Variants in OR3A2 observed in about 807,000 individuals in gnomAD.
The protein encoded by OR3A2 is olfactory receptor family 3 subfamily A member 2.
For missense variants in OR3A2, 318 were observed against 392.8 expected (o/e 0.81, Z 1.61); for synonymous variants, 126 against 159.3 (o/e 0.79, Z 1.57).
At chr17:3,351,114 A>G (rs1252188155) in intron 2 of OR3A2, among the ~76,000 whole-genome samples, 4 of 151,334 alleles carry the variant, frequency 2.6e-5, no homozygotes, top group Non-Finnish European at 4.4e-5. Flanking sequence ...TTCCCTTTGA[A>G]AACTGGCACA....
chr17:3,337,787 C>A (rs545664081), intron 2 of OR3A2, among the ~76,000 whole-genome samples: 1 of 152,136 alleles, frequency 6.6e-6, no homozygotes, highest in Admixed American at 6.5e-5. Flanking sequence ...GGGGTATATA[C>A]CCAGTAATGG....
intron 2 of OR3A2, among the ~76,000 whole-genome samples, chr17:3,352,205 T>C (rs1465011413): frequency 6.6e-6 from 1 of 152,014 alleles, no homozygotes; most frequent in Non-Finnish European, 1.5e-5. Context: ...CTGTGGGCTG[T>C]CTCTTCACTT....
chr17:3,303,743 C>CAAAAAAAA (rs71153338), intron 3 of OR3A2, among the ~76,000 whole-genome samples: 5 of 106,754 alleles, frequency 4.7e-5, no homozygotes, highest in South Asian at 3.6e-4. Context: ...GACTTCATCT[C>CAAAAAAAA]AAAAAAAAAA....
intron 3 of OR3A2, among the ~76,000 whole-genome samples, chr17:3,333,865 G>A (rs2049258356): frequency 6.6e-6 from 1 of 151,998 alleles, no homozygotes; most frequent in Admixed American, 6.6e-5. Context: ...TCTGAAAAAG[G>A]TCTAATATCC....
chr17:3,310,851 T>G (rs2855677), intron 3 of OR3A2: 2 of 1,043,692 alleles, frequency 1.9e-6, no homozygotes, highest in South Asian at 2.5e-5. Flanking sequence ...CAATCACTTC[T>G]ACTGTGACCT....
At chr17:3,290,227 GA>G (rs1195805401) in intron 3 of OR3A2, among the ~76,000 whole-genome samples, 1 of 152,144 alleles carries the variant, frequency 6.6e-6, no homozygotes, top group Admixed American at 6.5e-5. Context: ...CATAGAATGG[GA>G]AGCCCACATC....
chr17:3,284,063 AG>A (rs2048792769), intron 1 of OR3A2, among the ~76,000 whole-genome samples: 1 of 148,442 alleles, frequency 6.7e-6, no homozygotes, highest in Non-Finnish European at 1.5e-5. Flanking sequence ...ACGAGGCTCA[AG>A]GACTTCGCTG....
intron 3 of OR3A2, among the ~76,000 whole-genome samples, chr17:3,305,981 G>A (rs1325172476): frequency 6.6e-6 from 1 of 152,150 alleles, no homozygotes; most frequent in Non-Finnish European, 1.5e-5. Flanking sequence ...ATTAATAGAT[G>A]CCAAATAATG....
intron 1 of OR3A2, among the ~76,000 whole-genome samples, chr17:3,385,625 C>A (rs1471659537): frequency 6.6e-6 from 1 of 152,104 alleles, no homozygotes; most frequent in East Asian, 1.9e-4. Context: ...AACTGAGGCT[C>A]AGAAAGGTCT....
At chr17:3,283,804 A>T (rs2048791529) in intron 1 of OR3A2, among the ~76,000 whole-genome samples, 1 of 151,610 alleles carries the variant, frequency 6.6e-6, no homozygotes, top group Non-Finnish European at 1.5e-5. Context: ...CAGACAAGTA[A>T]GTCATGGTCA....
At chr17:3,332,686 A>T (rs1336425139) in intron 3 of OR3A2, among the ~76,000 whole-genome samples, 2 of 152,234 alleles carry the variant, frequency 1.3e-5, no homozygotes, top group Admixed American at 1.3e-4. Context: ...TGGGAGCTGT[A>T]GACCAGAGCT....
intron 2 of OR3A2, among the ~76,000 whole-genome samples, chr17:3,344,473 A>G (rs916635230): frequency 4.6e-5 from 7 of 151,998 alleles, no homozygotes; most frequent in African/African-American, 9.7e-5. Flanking sequence ...GCTAGACAAT[A>G]TCATCTAGAC....
intron 2 of OR3A2, among the ~76,000 whole-genome samples, chr17:3,348,230 G>A (rs1036758924): frequency 6.6e-6 from 1 of 152,100 alleles, no homozygotes; most frequent in Non-Finnish European, 1.5e-5. Context: ...CTTTTGCTGT[G>A]CAGAAGCTCT....
exon 2 of OR3A2, chr17:3,277,840 T>C (rs1274990700): frequency 2.1e-6 from 2 of 967,196 alleles, no homozygotes; most frequent in East Asian, 2.4e-5. Context: ...GTAGGACAAA[T>C]ATGTAACACC....
At chr17:3,335,808 C>G (rs2049271673) in intron 3 of OR3A2, among the ~76,000 whole-genome samples, 1 of 152,150 alleles carries the variant, frequency 6.6e-6, no homozygotes, top group Non-Finnish European at 1.5e-5. Flanking sequence ...CATTCTTTTT[C>G]CCAGTTTGTT....
chr17:3,367,601 G>GTATATATAATATATATATATATATATA (rs2049575498), intron 2 of OR3A2, among the ~76,000 whole-genome samples: 2 of 122,522 alleles, frequency 1.6e-5, no homozygotes, highest in African/African-American at 7.1e-5. Flanking sequence ...GTGTGTGTGT[G>GTATATATAATATATATATATATATATA]TATATATATA....
At chr17:3,299,614 C>T (rs1212288818) in intron 3 of OR3A2, among the ~76,000 whole-genome samples, 3 of 152,176 alleles carry the variant, frequency 2.0e-5, no homozygotes, top group Non-Finnish European at 4.4e-5. Flanking sequence ...ACTCCCTGTT[C>T]AAACAGGAAG....
Position 3,336,627 on chromosome 17 carries a change from T to C in OR3A2, c.-178-501A>G, listed in dbSNP as rs141222526. On this transcript the variant is annotated intron_variant, in intron 2 of 4. Coordinates refer to the OR3A2 transcript ENST00000573491. ...AATCTACTTCATGCTCTACAATAAA[T>C]ATTTGAATAAATGTATAAAGAATAT... Among the ~76,000 whole-genome samples, 578 of 152,306 alleles carry C rather than the reference T, an allele frequency of 3.8e-3. 5 individuals are homozygous for C. Among genetic ancestry groups the C allele is most frequent in the African/African-American group, 0.013 (549 of 41,564 alleles).
chr17:3,285,332 A>G (rs1165057838), upstream of OR3A2, among the ~76,000 whole-genome samples: 1 of 152,168 alleles, frequency 6.6e-6, no homozygotes, highest in African/African-American at 2.4e-5. Flanking sequence ...TCTGATTATT[A>G]GTGGTTTGAC....
Sources: gnomAD v4.1 joint callset for allele counts (sites outside exome capture counted in the v4.1 genomes callset) on GRCh38, gnomAD v4.1.1 for gene constraint, MANE v1.5 for transcripts, NCBI Gene and HGNC (gene_info 2026-07-23, HGNC 2026-07-21) for gene names.